Variants in PRKG1 observed in about 807,000 individuals in gnomAD.
PRKG1 encodes cGMP-dependent protein kinase 1.
PRKG1 carries 35 observed loss-of-function variants against 88.1 expected under a neutral mutation model. The ratio of observed to expected loss-of-function variants is 0.40; its 90% CI spans 0.30 to 0.53. PRKG1 has a LOEUF of 0.53. Among genes scored for constraint, PRKG1 ranks in the 20% least tolerant of loss-of-function variants. The probability of loss-of-function intolerance (pLI) is 0.59; values close to 1 mark genes in which losing one functional copy is unlikely to be tolerated. For missense variants in PRKG1, 540 were observed against 839.8 expected, an observed-to-expected ratio of 0.64 and a Z score of 4.41; for synonymous variants, 303 against 292.5, an observed-to-expected ratio of 1.04 and a Z score of -0.37.
chr10:51,437,109 T>A (rs1350573744), intron 2 of PRKG1, among the ~76,000 whole-genome samples: 4 of 151,988 alleles, frequency 2.6e-5, no homozygotes, highest in Admixed American at 6.6e-5. Context: ...TTGTATGAGG[T>A]CTTATCTTTC....
At position 51,233,358 on chromosome 10, in the gene PRKG1, T is replaced by A. The variant is rs115414041; in HGVS notation, c.478+80028T>A. Among the ~76,000 whole-genome samples, 775 of 152,332 alleles carry A rather than the reference T, an allele frequency of 5.1e-3. 7 individuals carry two copies. Among genetic ancestry groups the A allele is most frequent in the African/African-American group, 0.017 (697 of 41,584 alleles). ...TAATCCTGTGTGCATAACTATGACTTGAGATCTATTTCTACACTGAAATCT... is the reference window on the plus strand; with the variant it reads ...TAATCCTGTGTGCATAACTATGACTAGAGATCTATTTCTACACTGAAATCT... On this transcript the variant is annotated intron_variant, in intron 2 of 17. Transcript: ENST00000373980.
chr10:51,371,544 C>A (rs2132609294), intron 2 of PRKG1, among the ~76,000 whole-genome samples: 1 of 152,228 alleles, frequency 6.6e-6, no homozygotes, highest in South Asian at 2.1e-4. Flanking sequence ...TACACCCTGG[C>A]ACATAATAGT....
intron 3 of PRKG1, among the ~76,000 whole-genome samples, chr10:51,583,058 C>G (rs913064339): frequency 1.3e-5 from 2 of 152,042 alleles, no homozygotes; most frequent in Non-Finnish European, 2.9e-5. Flanking sequence ...AGTAGTGTAT[C>G]TAATTGTCAT....
At chr10:51,345,920 T>C (rs530073782) in intron 2 of PRKG1, among the ~76,000 whole-genome samples, 2 of 152,330 alleles carry the variant, frequency 1.3e-5, no homozygotes, top group South Asian at 4.1e-4. Context: ...AGGAAAGTTA[T>C]TGATGTTTCT....
At chr10:51,835,953 C>A (rs142155831) in intron 4 of PRKG1, among the ~76,000 whole-genome samples, 3 of 152,162 alleles carry the variant, frequency 2.0e-5, no homozygotes, top group Admixed American at 1.3e-4. Flanking sequence ...CATCTCATTG[C>A]GGTTTTAATT....
chr10:51,265,320 G>A (rs1205309766), intron 2 of PRKG1, among the ~76,000 whole-genome samples: 2 of 152,094 alleles, frequency 1.3e-5, no homozygotes, highest in Non-Finnish European at 2.9e-5. Context: ...GCCAGATAAA[G>A]GGTTGGATGC....
At chr10:51,768,265 A>G (rs183891586) in intron 3 of PRKG1, among the ~76,000 whole-genome samples, 1 of 152,236 alleles carries the variant, frequency 6.6e-6, no homozygotes, top group East Asian at 1.9e-4. Flanking sequence ...TTAGTTAGGA[A>G]GATTTTTATA....
intron 3 of PRKG1, among the ~76,000 whole-genome samples, chr10:51,534,321 A>G (rs1025502524): frequency 2.6e-5 from 4 of 152,188 alleles, no homozygotes; most frequent in African/African-American, 9.7e-5. Flanking sequence ...AATGCAAAAG[A>G]TATTTTGCAT....
At chr10:51,728,263 T>A (rs1354759441) in intron 3 of PRKG1, among the ~76,000 whole-genome samples, 1 of 152,090 alleles carries the variant, frequency 6.6e-6, no homozygotes, top group Non-Finnish European at 1.5e-5. Flanking sequence ...GCAACTGTAC[T>A]AAGATATTGC....
intron 2 of PRKG1, among the ~76,000 whole-genome samples, chr10:51,342,857 C>T (rs769098457): frequency 6.6e-6 from 1 of 152,180 alleles, no homozygotes; most frequent in Non-Finnish European, 1.5e-5. Flanking sequence ...TATGAATATT[C>T]ATCTGTGTTA....
Position 51,516,788 on chromosome 10 carries a change from A to G in PRKG1, c.592+48952A>G, listed in dbSNP as rs183773449. On this transcript the variant is annotated intron_variant, in intron 3 of 17. Coordinates refer to ENST00000373980, the MANE Select transcript of PRKG1 (RefSeq NM_006258.4). ...ATTTTTGACTTTCCATTATGAGCTC[A>G]GTGCCCTTCCAAGCACTGGAAATAT... Among the ~76,000 whole-genome samples the G allele has an allele frequency of 1.3e-3, 191 of 152,318 alleles. 1 individual carries two copies. Among genetic ancestry groups the G allele is most frequent in the African/African-American group, 4.4e-3 (182 of 41,572 alleles).
chr10:51,337,962 C>T (rs1841917936), intron 2 of PRKG1, among the ~76,000 whole-genome samples: 1 of 152,084 alleles, frequency 6.6e-6, no homozygotes, highest in Admixed American at 6.5e-5. Flanking sequence ...ATGTTCATTG[C>T]AGAACTATTC....
At chr10:52,101,811 A>T (rs1847299990) in intron 7 of PRKG1, among the ~76,000 whole-genome samples, 1 of 152,184 alleles carries the variant, frequency 6.6e-6, no homozygotes, top group Admixed American at 6.5e-5. Context: ...AACAAATTTA[A>T]TTGGTTAAAG....
intron 3 of PRKG1, among the ~76,000 whole-genome samples, chr10:51,596,784 A>G (rs1333799656): frequency 1.3e-5 from 2 of 152,212 alleles, no homozygotes; most frequent in Non-Finnish European, 2.9e-5. Flanking sequence ...AAAAGTAAAC[A>G]CTACCAGTTA....
At chr10:51,179,968 C>T (rs1837302251) in intron 2 of PRKG1, among the ~76,000 whole-genome samples, 1 of 152,158 alleles carries the variant, frequency 6.6e-6, no homozygotes, top group Non-Finnish European at 1.5e-5. Context: ...TAAAGAAAGC[C>T]TTCCATAAAT....
At chr10:51,846,925 A>G (rs928671401) in intron 4 of PRKG1, among the ~76,000 whole-genome samples, 1 of 152,208 alleles carries the variant, frequency 6.6e-6, no homozygotes, top group African/African-American at 2.4e-5. Context: ...GCATAAAAAT[A>G]TATACATCAA....
At chr10:51,109,007 A>C (rs1194754279) in intron 1 of PRKG1, among the ~76,000 whole-genome samples, 1 of 152,138 alleles carries the variant, frequency 6.6e-6, no homozygotes, top group Non-Finnish European at 1.5e-5. Context: ...AAAAATATAA[A>C]ACACTTAGTG....
rs1437300380 is a variant in PRKG1 at position 52,237,622 on chromosome 10, G to T, written c.1077-13948G>T. ...GAATCCAACTTACAAAGGATGTGAA[G>T]GACCTCTTCAAGGAGAACTACAAAC... On this transcript the variant is annotated intron_variant, in intron 9 of 17. Coordinates refer to ENST00000373980, the MANE Select transcript of PRKG1 (RefSeq NM_006258.4). 4.9e-5 allele frequency among the ~76,000 whole-genome samples: 7 copies of T among 142,470 alleles called. No individual in the cohort carries two copies. The East Asian group carries it at 1.2e-3, about 25-fold the overall frequency. The allele number at this position is 142,470 out of a possible 152,430, so 93.5% of individuals were successfully genotyped here.
intron 8 of PRKG1, among the ~76,000 whole-genome samples, chr10:52,159,435 T>A (rs551859147): frequency 2.1e-4 from 32 of 151,692 alleles, no homozygotes; most frequent in African/African-American, 7.5e-4. Context: ...GGATATGATA[T>A]TATGAGGTTT....
Sources: gnomAD v4.1 joint callset for allele counts (sites outside exome capture counted in the v4.1 genomes callset) on GRCh38, gnomAD v4.1.1 for gene constraint, MANE v1.5 for transcripts, NCBI Gene and HGNC (gene_info 2026-07-23, HGNC 2026-07-21) for gene names.